The following AGMO variants were observed in gnomAD, a reference collection of about 807,000 sequenced individuals.
AGMO encodes the protein alkylglycerol monooxygenase, also known as glyceryl-ether monooxygenase.
In AGMO, 75 loss-of-function variants were observed where a neutral mutation model predicts 60.2. The observed-to-expected ratio is 1.25, with a 90% CI of 1.03 to 1.51. AGMO has a LOEUF of 1.51. Ranked by LOEUF, AGMO falls within the 40% of genes most tolerant of loss-of-function variation. The pLI is 0.00. For synonymous variants in AGMO, 261 were observed against 177.1 expected (o/e 1.47, Z -3.76); for missense variants, 763 against 525.5 (o/e 1.45, Z -4.42).
At chr7:15,455,081 T>TCA (rs34074240) in intron 3 of AGMO, among the ~76,000 whole-genome samples, 6,289 of 146,148 alleles carry the variant, frequency 0.043, 151 homozygotes, top group Admixed American at 0.1. Flanking sequence ...TCTCTCTTTC[T>TCA]CACACACACA....
chr7:15,363,093 C>T (rs980051338), intron 12 of AGMO, among the ~76,000 whole-genome samples: 3 of 152,236 alleles, frequency 2.0e-5, no homozygotes, highest in Non-Finnish European at 2.9e-5. Context: ...GCATTTAGAA[C>T]GTAGTAAGAG....
the AGMO span, among the ~76,000 whole-genome samples, chr7:15,160,030 A>C: frequency 6.6e-6 from 1 of 152,182 alleles, no homozygotes; most frequent in Non-Finnish European, 1.5e-5. Flanking sequence ...GAATGCTAAT[A>C]TATCACTTTT....
At chr7:15,382,297 CCATTT>C (rs1783725420) in intron 10 of AGMO, among the ~76,000 whole-genome samples, 1 of 152,106 alleles carries the variant, frequency 6.6e-6, no homozygotes, top group Non-Finnish European at 1.5e-5. Context: ...AACATATCTC[CCATTT>C]CTTTTGTACT....
chr7:15,367,477 A>G (rs1783033170), intron 10 of AGMO, among the ~76,000 whole-genome samples: 1 of 152,026 alleles, frequency 6.6e-6, no homozygotes, highest in Admixed American at 6.6e-5. Context: ...AACGCAAACA[A>G]TCTGGGAAAC....
At chr7:15,173,866 T>C in the AGMO span, among the ~76,000 whole-genome samples, 1 of 151,874 alleles carries the variant, frequency 6.6e-6, no homozygotes, top group African/African-American at 2.4e-5. Context: ...TGGGATCTAA[T>C]TTTTAGGAAA....
intron 5 of AGMO, among the ~76,000 whole-genome samples, chr7:15,398,120 C>T (rs1784460590): frequency 6.6e-6 from 1 of 152,130 alleles, no homozygotes; most frequent in Non-Finnish European, 1.5e-5. Context: ...GTTACAAAAA[C>T]AAACAACAAA....
chr7:15,560,259 A>T lies in AGMO; in HGVS notation c.139T>A (p.Phe47Ile). Residue 47 changes from phenylalanine to isoleucine, a missense_variant, in exon 2 of 13, where the codon TTC (phenylalanine) becomes ATC (isoleucine). Transcript: ENST00000342526. ...AGTTCAAGCAGCATCAAAGAAATGAAAAATGGAGTTGCCTGGAAAGGAAGT... is the reference window on the plus strand; with the variant it reads ...AGTTCAAGCAGCATCAAAGAAATGATAAATGGAGTTGCCTGGAAAGGAAGT... The part of the protein sequence containing the change: ...PDYVKKATPF[F>I]ISLMLLELVV... 1 of 1,612,234 alleles carries T rather than the reference A, an allele frequency of 6.2e-7. No individual in the cohort carries two copies.
At chr7:15,162,241 A>G in the AGMO span, among the ~76,000 whole-genome samples, 2 of 152,126 alleles carry the variant, frequency 1.3e-5, no homozygotes, top group African/African-American at 2.4e-5. Flanking sequence ...ACTTTCCTTT[A>G]TAAGTTACCC....
intron 8 of AGMO, among the ~76,000 whole-genome samples, chr7:15,389,306 G>GTCTGTCTA: frequency 6.6e-6 from 1 of 151,706 alleles, no homozygotes; most frequent in East Asian, 1.9e-4. Context: ...AGATGAAGGT[G>GTCTGTCTA]TCTCTTTTTT....
chr7:15,171,098 T>C, the AGMO span, among the ~76,000 whole-genome samples: 60,362 of 151,862 alleles, frequency 0.4, 12,874 homozygotes, highest in East Asian at 0.71. Context: ...TCTCCTGCCT[T>C]AGCCTCCCGA....
In AGMO at chr7:15,365,533, G is replaced by A. The variant is rs1247875781; in HGVS notation, c.1244C>T (p.Ser415Leu). The part of the protein sequence containing the change: ...RFGHLKPLVP[S>L]LSSAFEIVFS... Reference sequence around the variant, plus strand: ...TCTTACCTCAAAAGCAGATGACAATGAAGGGACAAGAGGCTTCAGGTGACC... The same window carrying A: ...TCTTACCTCAAAAGCAGATGACAATAAAGGGACAAGAGGCTTCAGGTGACC... Residue 415 changes from serine (S) to leucine (L), a missense_variant, in exon 12 of 13, where the codon TCA (serine) becomes TTA (leucine). Physicochemically the swap from Ser to Leu is moderately radical, Grantham distance 145 (BLOSUM62 -2). Transcript: ENST00000342526. The A allele has an allele frequency of 6.2e-7, 1 of 1,612,344 alleles. No individual in the cohort carries two copies. The highest frequency in any genetic ancestry group is 2.2e-5 in the East Asian group (1 of 44,830).
intron 5 of AGMO, among the ~76,000 whole-genome samples, chr7:15,395,697 T>A (rs959121821): frequency 3.3e-5 from 5 of 152,330 alleles, no homozygotes; most frequent in African/African-American, 1.2e-4. Context: ...TATTCTAATT[T>A]TATGAATGTT....
At chr7:15,444,927 T>C (rs1781659340) in intron 3 of AGMO, among the ~76,000 whole-genome samples, 1 of 152,200 alleles carries the variant, frequency 6.6e-6, no homozygotes, top group South Asian at 2.1e-4. Flanking sequence ...TATCATCATC[T>C]TGATCACCCA....
chr7:15,418,429 C>A, intron 5 of AGMO, 129 bp downstream of exon 5: 2 of 617,668 alleles, frequency 3.2e-6, no homozygotes, highest in African/African-American at 1.9e-5. Flanking sequence ...TAAAAATGAA[C>A]AGATGTTTCT....
intron 12 of AGMO, among the ~76,000 whole-genome samples, chr7:15,321,446 C>A (rs186011520): frequency 6.6e-6 from 1 of 152,028 alleles, no homozygotes; most frequent in Non-Finnish European, 1.5e-5. Context: ...GTAAGTACAT[C>A]GTCACCTTCA....
chr7:15,244,851 A>G (rs776225400), intron 12 of AGMO, among the ~76,000 whole-genome samples: 9 of 152,018 alleles, frequency 5.9e-5, no homozygotes, highest in Non-Finnish European at 1.3e-4. Context: ...ACAGCGTTTC[A>G]CCATGTTACT....
At chr7:15,153,736 A>C in the AGMO span, among the ~76,000 whole-genome samples, 5 of 152,116 alleles carry the variant, frequency 3.3e-5, no homozygotes, top group African/African-American at 1.2e-4. Flanking sequence ...TTTGGTGACT[A>C]TGGCCTTAAA....
chr7:15,293,290 G>A (rs1490233835), intron 12 of AGMO, among the ~76,000 whole-genome samples: 1 of 151,938 alleles, frequency 6.6e-6, no homozygotes, highest in African/African-American at 2.4e-5. Context: ...CCCAGAAGCT[G>A]GATAATTCTT....
chr7:15,282,583 A>G (rs1783998884), intron 12 of AGMO, among the ~76,000 whole-genome samples: 1 of 152,186 alleles, frequency 6.6e-6, no homozygotes, highest in South Asian at 2.1e-4. Flanking sequence ...GAAATTATTT[A>G]AAATGGCCAG....
Sources: allele counts gnomAD v4.1 joint callset (sites outside exome capture counted in the v4.1 genomes callset), GRCh38; gene constraint gnomAD v4.1.1; transcripts MANE v1.5; gene names NCBI Gene and HGNC (gene_info 2026-07-23, HGNC 2026-07-21).